IL13RA1: variants seen among roughly 807,000 people sequenced by gnomAD.
The protein encoded by IL13RA1 is interleukin 13 receptor subunit alpha 1.
IL13RA1 carries 14 observed loss-of-function variants against 33.8 expected under a neutral mutation model. The observed-to-expected ratio is 0.41, with a 90% CI of 0.27 to 0.65. The LOEUF (loss-of-function observed/expected upper bound fraction) is 0.65, where lower values mean the gene tolerates loss of function less well. IL13RA1 is among the 30% of genes least tolerant of loss of function. IL13RA1 has a pLI of 0.28. For missense variants in IL13RA1, 313 were observed against 327.0 expected, an observed-to-expected ratio of 0.96 and a Z score of 0.33; for synonymous variants, 116 against 115.7, an observed-to-expected ratio of 1.00 and a Z score of -0.02.
chrX:118,739,588 T>C (rs2017320885), intron 1 of IL13RA1, among the ~76,000 whole-genome samples: 1 of 112,213 alleles, frequency 8.9e-6, no homozygotes, highest in Admixed American at 9.5e-5. Flanking sequence ...TATGTTGAAA[T>C]AATTTTTGAT....
chrX:118,757,678 C>CTTTTTTTT lies in IL13RA1; in HGVS notation c.489-354_489-347dup, dbSNP rs765835021. ...TCTCAGTCATTAAAAAGAATTCTGC[C>CTTTTTTTT]TTTTTTTTTTTTTTTTTTTTTTTTT... On this transcript the variant is annotated intron_variant, in intron 4 of 10. Coordinates refer to ENST00000371666, the MANE Select transcript of IL13RA1 (RefSeq NM_001560.3). Among the ~76,000 whole-genome samples, 13 of 58,358 alleles carry CTTTTTTTT rather than the reference C, an allele frequency of 2.2e-4. 2 individuals carry two copies. Among genetic ancestry groups the CTTTTTTTT allele is most frequent in the Non-Finnish European group, 3.4e-4 (11 of 32,462 alleles). The allele number at this position is 58,358 out of a possible 115,157, so 50.7% of individuals were successfully genotyped here. A position where few individuals can be genotyped will look rare whatever the true frequency, so the allele number is the denominator to read the frequency against.
chrX:118,761,252 T>C lies in IL13RA1; in HGVS notation c.791T>C (p.Val264Ala). 2.9e-6 allele frequency: 3 copies of C among 1,033,204 alleles called. No individual in the cohort carries two copies. Among genetic ancestry groups the C allele is most frequent in the Non-Finnish European group, 4.0e-6 (3 of 743,858 alleles). 85.1% of individuals were successfully genotyped at this position (1,033,204 alleles called of 1,213,427 possible). Residue 264 changes from valine (V) to alanine (A), a missense_variant, in exon 6 of 11, where the codon GTC becomes GCC. Coordinates refer to ENST00000371666, the MANE Select transcript of IL13RA1 (RefSeq NM_001560.3). ...ISRCLFYEVEVNNSQTETHNV... is the reference protein window; with the variant it reads ...ISRCLFYEVEANNSQTETHNV... ...AGATGCCTATTTTATGAAGTAGAAG[T>C]CAATAACAGCCAAACTGAGACACAT... is the stretch of plus-strand genomic sequence containing the variant.
chrX:118,796,763 C>T (rs910668186), downstream of IL13RA1, among the ~76,000 whole-genome samples: 73 of 112,100 alleles, frequency 6.5e-4, 1 homozygote, highest in Admixed American at 4.9e-3. Flanking sequence ...CTCGAACTCC[C>T]GGCCTCAGGT....
At chrX:118,727,812 C>CG in intron 1 of IL13RA1, 86 bp downstream of exon 1, 3 of 403,470 alleles carry the variant, frequency 7.4e-6, no homozygotes, top group Non-Finnish European at 1.1e-5. Context: ...AGGTCAACGC[C>CG]GGGCGGAGGG....
At chrX:118,737,209 A>G (rs896834531) in intron 1 of IL13RA1, among the ~76,000 whole-genome samples, 2 of 112,570 alleles carry the variant, frequency 1.8e-5, no homozygotes, top group Non-Finnish European at 1.9e-5. Context: ...AGCTGTGGGC[A>G]GAGGGCTCCA....
Position 118,761,266 on chromosome X carries a change from A to G in IL13RA1, c.805A>G (p.Thr269Ala). 2 of 1,042,333 alleles carry G rather than the reference A, an allele frequency of 1.9e-6. No individual in the cohort carries two copies. The highest frequency in any genetic ancestry group is 2.6e-6 in the Non-Finnish European group (2 of 760,810). The allele number at this position is 1,042,333 out of a possible 1,213,427, so 85.9% of individuals were successfully genotyped here. ...TGAAGTAGAAGTCAATAACAGCCAA[A>G]CTGAGACACATAATGTTTTCTACGT... ...FYEVEVNNSQ[T>A]ETHNVFYVQE... is the part of the protein sequence containing the mutation. Residue 269 changes from threonine (T) to alanine (A), a missense_variant, in exon 6 of 11, where the codon ACT (threonine) becomes GCT (alanine). By Grantham distance (58) the Thr-to-Ala change is moderately conservative. Coordinates refer to ENST00000371666, the MANE Select transcript of IL13RA1 (RefSeq NM_001560.3).
At chrX:118,761,113 C>T in intron 5 of IL13RA1, 25 bp from the exon 6 acceptor site, 1 of 843,913 alleles carries the variant, frequency 1.2e-6, no homozygotes, top group Non-Finnish European at 1.7e-6. Flanking sequence ...TGGAAGCTTA[C>T]TTGTGTTCTA....
At position 118,758,250 on chromosome X, in the gene IL13RA1, T is replaced by G. The variant is rs1451421852; in HGVS notation, c.676+8T>G. The G allele has an allele frequency of 3.4e-6, 3 of 873,265 alleles. No homozygotes were observed. Among genetic ancestry groups the G allele is most frequent in the Non-Finnish European group, 4.9e-6 (3 of 607,846 alleles). 72.0% of individuals were successfully genotyped at this position (873,265 alleles called of 1,213,427 possible). ...TGCCTTTAACTTCCCGTGGTAAGTTTTAGAAGTCCTCTAAAACAGTATGGA... is the reference window on the plus strand; with the variant it reads ...TGCCTTTAACTTCCCGTGGTAAGTTGTAGAAGTCCTCTAAAACAGTATGGA... On this transcript the variant is annotated splice_region_variant and intron_variant, in intron 5 of 10. Coordinates refer to ENST00000371666, the MANE Select transcript of IL13RA1 (RefSeq NM_001560.3).
chrX:118,803,203 A>G, the IL13RA1 span, among the ~76,000 whole-genome samples: 3 of 112,327 alleles, frequency 2.7e-5, no homozygotes, highest in African/African-American at 9.7e-5. Context: ...TAAAATTCAT[A>G]TTACAAGGAG....
In IL13RA1 at chrX:118,794,171, TGAGGGAAAAGG is replaced by T. The variant is rs1376412730; in HGVS notation, c.*2329_*2339del. ...CCTCTTCTTTTAGCAGTAAAATAGC[TGAGGGAAAAGG>T]GAGGGAAAAGGAAGTTATGGGAATA... On this transcript the variant is annotated 3_prime_UTR_variant, in exon 11 of 11. Transcript: ENST00000371666. The T allele has an allele frequency of 9.0e-6, 1 of 111,469 alleles. No individual in the cohort carries two copies. Among genetic ancestry groups the T allele is most frequent in the Non-Finnish European group, 1.9e-5 (1 of 53,087 alleles). 9.2% of individuals were successfully genotyped at this position (111,469 alleles called of 1,213,427 possible). A position where few individuals can be genotyped will look rare whatever the true frequency, so the allele number is the denominator to read the frequency against.
At chrX:118,791,365 T>C (rs1381641698) in intron 10 of IL13RA1, among the ~76,000 whole-genome samples, 4 of 111,730 alleles carry the variant, frequency 3.6e-5, no homozygotes, top group Non-Finnish European at 7.5e-5. Flanking sequence ...GAACCTATTA[T>C]GTCTCTGGAG....
intron 1 of IL13RA1, among the ~76,000 whole-genome samples, chrX:118,739,291 A>C (rs915731064): frequency 8.9e-6 from 1 of 111,996 alleles, no homozygotes; most frequent in Non-Finnish European, 1.9e-5. Context: ...CTATGTATAA[A>C]ATTGACTGTT....
Position 118,736,571 on chromosome X carries a change from TTC to T in IL13RA1, c.89-4444_89-4443del, listed in dbSNP as rs200876361. ...CTTTCCCTGAGCATGTGTGGTCACT[TTC>T]TGTTTTTCTCTGTATATATAGTTTT... On this transcript the variant is annotated intron_variant, in intron 1 of 10. Transcript: ENST00000371666. Among the ~76,000 whole-genome samples the T allele has an allele frequency of 2.0e-3, 227 of 111,741 alleles. 4 individuals carry two copies. In the East Asian group the frequency reaches 0.052, roughly 26 times the overall value.
At chrX:118,784,267 C>A (rs1378171775) in intron 10 of IL13RA1, among the ~76,000 whole-genome samples, 5 of 104,435 alleles carry the variant, frequency 4.8e-5, no homozygotes, top group African/African-American at 7.0e-5. Flanking sequence ...TCCTGTCACC[C>A]AGATATAACT....
the IL13RA1 span, among the ~76,000 whole-genome samples, chrX:118,804,306 A>G: frequency 1.8e-5 from 2 of 109,703 alleles, no homozygotes; most frequent in African/African-American, 6.6e-5. Flanking sequence ...GAAGGAAGTG[A>G]AAACTGAAGT....
At chrX:118,736,528 C>T (rs2017284087) in intron 1 of IL13RA1, among the ~76,000 whole-genome samples, 1 of 111,780 alleles carries the variant, frequency 8.9e-6, no homozygotes, top group African/African-American at 3.3e-5. Flanking sequence ...ACTTAGTCTT[C>T]TCAGGTTTTT....
intron 8 of IL13RA1, chrX:118,769,965 G>A (rs781632254): frequency 1.0e-5 from 2 of 199,683 alleles, no homozygotes; most frequent in South Asian, 1.4e-4. Context: ...TCCTCCACCA[G>A]CATCAAGGAG....
chrX:118,749,398 T>A (rs1429580450), intron 3 of IL13RA1, among the ~76,000 whole-genome samples: 6 of 111,888 alleles, frequency 5.4e-5, no homozygotes, highest in Admixed American at 9.5e-5. Flanking sequence ...TCCCTCCAGT[T>A]AGGAATATTA....
At chrX:118,799,682 C>A in the IL13RA1 span, among the ~76,000 whole-genome samples, 206 of 86,275 alleles carry the variant, frequency 2.4e-3, no homozygotes, top group African/African-American at 8.9e-3. Context: ...CCTTGGAGAA[C>A]CTTTATGTCT....
Sources: allele counts gnomAD v4.1 joint callset (sites outside exome capture counted in the v4.1 genomes callset), GRCh38; gene constraint gnomAD v4.1.1; transcripts MANE v1.5; gene names NCBI Gene and HGNC (gene_info 2026-07-23, HGNC 2026-07-21).